GPC6: variants seen among roughly 807,000 people sequenced by gnomAD.
GPC6 encodes the protein glypican-6.
Under a neutral mutation model 55.2 loss-of-function variants are expected in GPC6, and 14 were observed. That is an observed-to-expected ratio of 0.25 (90% CI 0.17 to 0.40). GPC6 has a LOEUF of 0.40. Among genes scored for constraint, GPC6 ranks in the 10% least tolerant of loss-of-function variants. The pLI is 1.00. For missense variants in GPC6, 641 were observed against 708.5 expected (o/e 0.90, Z 1.08); for synonymous variants, 278 against 259.6 (o/e 1.07, Z -0.68).
chr13:93,333,297 A>C (rs1391529402), intron 1 of GPC6, among the ~76,000 whole-genome samples: 2 of 152,134 alleles, frequency 1.3e-5, no homozygotes, highest in Non-Finnish European at 2.9e-5. Flanking sequence ...GGTAGAATGG[A>C]TATTTTAATG....
chr13:93,586,869 G>A (rs374749959), intron 2 of GPC6, among the ~76,000 whole-genome samples: 10 of 152,132 alleles, frequency 6.6e-5, no homozygotes, highest in South Asian at 4.1e-4. Flanking sequence ...GGTTATTGGG[G>A]ATTCTGTGAA....
rs1396450580 is a variant in GPC6 at position 93,676,476 on chromosome 13, T to C, written c.319+131055T>C. 1.3e-5 allele frequency among the ~76,000 whole-genome samples: 2 copies of C among 151,802 alleles called. 1 individual carries two copies. The highest frequency in any genetic ancestry group is 1.3e-4 in the Admixed American group (2 of 15,238). ...TAAAATGGTATTAGGATTTGGGGAA[T>C]GAGGAGCAAATTCAAATGTGTAAGA... On this transcript the variant is annotated intron_variant, in intron 2 of 8. Coordinates refer to ENST00000377047, the MANE Select transcript of GPC6 (RefSeq NM_005708.5).
At chr13:93,385,319 C>T (rs561296064) in intron 1 of GPC6, among the ~76,000 whole-genome samples, 4 of 152,324 alleles carry the variant, frequency 2.6e-5, no homozygotes, top group South Asian at 2.1e-4. Flanking sequence ...TTGGCAGGGG[C>T]CCTGTCATGC....
At chr13:94,001,527 T>G (rs1342846747) in intron 3 of GPC6, among the ~76,000 whole-genome samples, 3 of 152,166 alleles carry the variant, frequency 2.0e-5, no homozygotes. Context: ...ATTGATATTG[T>G]GCATAGAATT....
chr13:93,322,997 A>G (rs968032416), intron 1 of GPC6, among the ~76,000 whole-genome samples: 22 of 151,832 alleles, frequency 1.4e-4, no homozygotes, highest in African/African-American at 5.3e-4. Context: ...TTTGAGTAAC[A>G]TTACTCTACT....
At chr13:94,316,481 G>A (rs2148163) in intron 6 of GPC6, among the ~76,000 whole-genome samples, 13,150 of 152,134 alleles carry the variant, frequency 0.086, 1,115 homozygotes, top group East Asian at 0.43. Flanking sequence ...ACTTTGGGAG[G>A]CCGAGGCGGG....
intron 2 of GPC6, among the ~76,000 whole-genome samples, chr13:93,821,297 T>TA (rs779110585): frequency 6.6e-6 from 1 of 152,204 alleles, no homozygotes; most frequent in Non-Finnish European, 1.5e-5. Context: ...TTGAAACTGT[T>TA]ACGGTATTTC....
chr13:93,871,414 G>A (rs895370146), intron 3 of GPC6, among the ~76,000 whole-genome samples: 3 of 151,966 alleles, frequency 2.0e-5, no homozygotes, highest in African/African-American at 7.2e-5. Flanking sequence ...ATCACAGTTC[G>A]AGTTTATTCA....
intron 2 of GPC6, among the ~76,000 whole-genome samples, chr13:93,589,159 A>G (rs982375310): frequency 6.7e-6 from 1 of 150,298 alleles, no homozygotes; most frequent in African/African-American, 2.5e-5. Flanking sequence ...CTTAATCTAG[A>G]TTCCCTAATA....
At chr13:93,593,593 T>C (rs1877586389) in intron 2 of GPC6, among the ~76,000 whole-genome samples, 1 of 152,122 alleles carries the variant, frequency 6.6e-6, no homozygotes, top group African/African-American at 2.4e-5. Flanking sequence ...AACACTAAAA[T>C]AATTGTATTT....
At chr13:93,492,362 C>G (rs1392068086) in intron 1 of GPC6, among the ~76,000 whole-genome samples, 15 of 138,032 alleles carry the variant, frequency 1.1e-4, no homozygotes, top group Admixed American at 2.1e-4. Flanking sequence ...GATTTTTCTA[C>G]ATTGATTTTG....
At chr13:94,274,105 A>G (rs1219530178) in intron 4 of GPC6, among the ~76,000 whole-genome samples, 2 of 152,232 alleles carry the variant, frequency 1.3e-5, no homozygotes, top group Admixed American at 6.5e-5. Flanking sequence ...TTTATGAAAT[A>G]CAAGGCATCA....
At chr13:94,338,739 T>C (rs910448284) in intron 6 of GPC6, among the ~76,000 whole-genome samples, 1 of 152,130 alleles carries the variant, frequency 6.6e-6, no homozygotes, top group African/African-American at 2.4e-5. Context: ...AGAAATTTCA[T>C]GAATTTTAGA....
chr13:94,158,413 AGAT>A (rs1439752969), intron 4 of GPC6, among the ~76,000 whole-genome samples: 3 of 152,154 alleles, frequency 2.0e-5, no homozygotes, highest in Non-Finnish European at 2.9e-5. Context: ...GAGAAGAAAA[AGAT>A]GATAACTCAC....
intron 3 of GPC6, among the ~76,000 whole-genome samples, chr13:93,840,635 G>A (rs1887917237): frequency 1.3e-5 from 2 of 151,930 alleles, no homozygotes; most frequent in African/African-American, 2.4e-5. Flanking sequence ...TTTTTCCCAG[G>A]GGTATATTCT....
At chr13:93,680,575 G>C (rs1881809813) in intron 2 of GPC6, among the ~76,000 whole-genome samples, 1 of 152,148 alleles carries the variant, frequency 6.6e-6, no homozygotes, top group African/African-American at 2.4e-5. Flanking sequence ...TGGGATTAAG[G>C]AGGGTCTTCT....
chr13:94,149,710 C>A (rs956687511), intron 4 of GPC6, among the ~76,000 whole-genome samples: 2 of 152,064 alleles, frequency 1.3e-5, no homozygotes, highest in African/African-American at 2.4e-5. Context: ...CAGAGGCTAA[C>A]AAGGTCTTAG....
chr13:94,369,887 C>T (rs1020653470), intron 6 of GPC6, among the ~76,000 whole-genome samples: 2 of 152,132 alleles, frequency 1.3e-5, no homozygotes, highest in Non-Finnish European at 1.5e-5. Context: ...GGAAAGAAGT[C>T]GCTGGCAGGT....
At chr13:93,278,150 A>G (rs9523993) in intron 1 of GPC6, among the ~76,000 whole-genome samples, 38,877 of 152,082 alleles carry the variant, frequency 0.26, 5,212 homozygotes, top group African/African-American at 0.33. Flanking sequence ...TTTAGACAAC[A>G]AGTGCTGCAG....
Sources: gnomAD v4.1 joint callset for allele counts (sites outside exome capture counted in the v4.1 genomes callset) on GRCh38, gnomAD v4.1.1 for gene constraint, MANE v1.5 for transcripts, NCBI Gene and HGNC (gene_info 2026-07-23, HGNC 2026-07-21) for gene names.